SYT9: variants seen among roughly 807,000 people sequenced by gnomAD.
The protein encoded by SYT9 is synaptotagmin 9.
In SYT9, 22 loss-of-function variants were observed where a neutral mutation model predicts 48.4. The observed-to-expected ratio is 0.45, with a 90% CI of 0.32 to 0.65. The LOEUF is 0.65. Ranked by LOEUF, SYT9 falls within the 30% of genes least tolerant of loss-of-function variation. The pLI, the probability that SYT9 is intolerant of heterozygous loss-of-function variation, is 0.03. For missense variants in SYT9, 577 were observed against 622.0 expected (o/e 0.93, Z 0.77); for synonymous variants, 265 against 245.0 (o/e 1.08, Z -0.76).
chr11:7,242,474 G>A (rs1469827178), intron 1 of SYT9, among the ~76,000 whole-genome samples: 2 of 152,204 alleles, frequency 1.3e-5, no homozygotes, highest in African/African-American at 4.8e-5. Flanking sequence ...ACCACCCTCT[G>A]CATAGGGTTG....
chr11:7,321,104 C>T (rs1284974254), intron 3 of SYT9, among the ~76,000 whole-genome samples: 3 of 152,078 alleles, frequency 2.0e-5, no homozygotes, highest in Non-Finnish European at 2.9e-5. Flanking sequence ...CAGTTAGACT[C>T]TGATTTGGAG....
At chr11:7,266,649 C>T (rs1848189333) in intron 1 of SYT9, among the ~76,000 whole-genome samples, 2 of 152,216 alleles carry the variant, frequency 1.3e-5, no homozygotes, top group Admixed American at 6.5e-5. Flanking sequence ...AATTCAATCA[C>T]ATCTGCCTTC....
chr11:7,284,655 G>A (rs115990991), intron 1 of SYT9, among the ~76,000 whole-genome samples: 2,212 of 151,946 alleles, frequency 0.015, 53 homozygotes, highest in African/African-American at 0.048. Flanking sequence ...ATAGCAGTGT[G>A]TCTGGGTGTG....
chr11:7,466,806 G>A lies in SYT9; in HGVS notation c.*6G>A. 6.2e-7 allele frequency: 1 copy of A among 1,613,114 alleles called. No homozygotes were observed. ...TCTTCCTGCAGAAACGATGACCATG[G>A]GTAAGAGGACTGCTTGTGCCAAGGA... On this transcript the variant is annotated 3_prime_UTR_variant, in exon 7 of 7. Transcript: ENST00000318881.
chr11:7,332,778 T>C (rs1849563416), intron 3 of SYT9, among the ~76,000 whole-genome samples: 1 of 152,054 alleles, frequency 6.6e-6, no homozygotes, highest in Non-Finnish European at 1.5e-5. Flanking sequence ...GCTGAACACA[T>C]GGGGAGGGTT....
chr11:7,360,827 AT>A (rs1850120764), intron 3 of SYT9, among the ~76,000 whole-genome samples: 1 of 152,130 alleles, frequency 6.6e-6, no homozygotes, highest in Non-Finnish European at 1.5e-5. Flanking sequence ...CTCCTTGAAG[AT>A]TATCTTAGAG....
chr11:7,386,037 C>A (rs1330614574), intron 3 of SYT9, among the ~76,000 whole-genome samples: 1 of 152,134 alleles, frequency 6.6e-6, no homozygotes, highest in African/African-American at 2.4e-5. Context: ...CTTAACTTTG[C>A]TCAATAATAT....
chr11:7,268,385 G>A (rs149243882), intron 1 of SYT9, among the ~76,000 whole-genome samples: 1 of 151,784 alleles, frequency 6.6e-6, no homozygotes, highest in East Asian at 1.9e-4. Context: ...AATATGGAAG[G>A]CATCCTAATT....
intron 2 of SYT9, among the ~76,000 whole-genome samples, chr11:7,308,946 C>A (rs1373284723): frequency 1.3e-5 from 2 of 152,202 alleles, no homozygotes; most frequent in East Asian, 1.9e-4. Context: ...AGGAGAAAAC[C>A]TTGTACCTCT....
chr11:7,361,077 T>A (rs1850126605), intron 3 of SYT9, among the ~76,000 whole-genome samples: 1 of 152,152 alleles, frequency 6.6e-6, no homozygotes, highest in African/African-American at 2.4e-5. Flanking sequence ...TATCTCTTTT[T>A]TCTTGATTCT....
At chr11:7,356,838 A>G (rs997426439) in intron 3 of SYT9, among the ~76,000 whole-genome samples, 1 of 152,220 alleles carries the variant, frequency 6.6e-6, no homozygotes, top group African/African-American at 2.4e-5. Flanking sequence ...ATTCTACACT[A>G]AACTGTTACT....
At chr11:7,323,002 A>T (rs919398017) in intron 3 of SYT9, among the ~76,000 whole-genome samples, 1 of 152,150 alleles carries the variant, frequency 6.6e-6, no homozygotes, top group Non-Finnish European at 1.5e-5. Context: ...ATTTATGTTC[A>T]TGTACATAAC....
At chr11:7,406,068 G>A (rs1220801322) in intron 3 of SYT9, among the ~76,000 whole-genome samples, 4 of 152,012 alleles carry the variant, frequency 2.6e-5, no homozygotes, top group Admixed American at 6.5e-5. Context: ...ATATATATGG[G>A]GTACATATGA....
intron 3 of SYT9, among the ~76,000 whole-genome samples, chr11:7,415,552 A>G (rs1203538928): frequency 6.6e-6 from 1 of 152,088 alleles, no homozygotes; most frequent in Non-Finnish European, 1.5e-5. Context: ...ATGATGCTGC[A>G]TAGGGCTGTG....
At chr11:7,392,280 G>C (rs971430225) in intron 3 of SYT9, among the ~76,000 whole-genome samples, 1 of 152,036 alleles carries the variant, frequency 6.6e-6, no homozygotes, top group Non-Finnish European at 1.5e-5. Context: ...GTTAATTTTT[G>C]TATATTATGA....
At chr11:7,418,894 G>T (rs980137132) in intron 5 of SYT9, among the ~76,000 whole-genome samples, 4 of 152,174 alleles carry the variant, frequency 2.6e-5, no homozygotes, top group African/African-American at 9.7e-5. Context: ...AACCTCCCAC[G>T]TGGTCTGGAC....
intron 2 of SYT9, 89 bp from the exon 3 acceptor site, chr11:7,313,306 A>G: frequency 7.4e-7 from 1 of 1,350,846 alleles, no homozygotes; most frequent in Non-Finnish European, 1.0e-6. Flanking sequence ...GACAAAATAT[A>G]ACAGTCTACC....
chr11:7,454,225 T>C lies in SYT9; in HGVS notation c.1468-12567T>C, dbSNP rs575126792. 6.7e-4 allele frequency: 663 copies of C among 985,360 alleles called. 3 individuals carry two copies. The African/African-American group carries it at 0.011, about 16-fold the overall frequency. The allele number at this position is 985,360 out of a possible 1,614,324, so 61.0% of individuals were successfully genotyped here. On this transcript the variant is annotated intron_variant, in intron 6 of 6. Coordinates refer to ENST00000318881, the MANE Select transcript of SYT9 (RefSeq NM_175733.4). ...ACTCAAATACCCTGAGTCCCCACCC[T>C]TTCTCTCTAGCCCTTAGTTGATGTC... is the stretch of plus-strand genomic sequence containing the variant.
intron 6 of SYT9, among the ~76,000 whole-genome samples, chr11:7,459,811 T>G (rs1373163438): frequency 1.3e-5 from 2 of 151,804 alleles, no homozygotes; most frequent in African/African-American, 4.8e-5. Flanking sequence ...GGAATTGGAG[T>G]GATGCAGCTA....
Sources: gnomAD v4.1 joint callset for allele counts (sites outside exome capture counted in the v4.1 genomes callset) on GRCh38, gnomAD v4.1.1 for gene constraint, MANE v1.5 for transcripts, NCBI Gene and HGNC (gene_info 2026-07-23, HGNC 2026-07-21) for gene names.